PRKG1: variants seen among roughly 807,000 people sequenced by gnomAD.
PRKG1 encodes the protein protein kinase cGMP-dependent 1.
PRKG1 carries 35 observed loss-of-function variants against 88.1 expected under a neutral mutation model. The observed-to-expected ratio is 0.40, with a 90% CI of 0.30 to 0.53. PRKG1 has a LOEUF of 0.53. Among genes scored for constraint, PRKG1 ranks in the 20% least tolerant of loss-of-function variants. PRKG1 has a pLI of 0.59. For missense variants in PRKG1, 540 were observed against 839.8 expected, an observed-to-expected ratio of 0.64 and a Z score of 4.41; for synonymous variants, 303 against 292.5, an observed-to-expected ratio of 1.04 and a Z score of -0.37.
intron 4 of PRKG1, among the ~76,000 whole-genome samples, chr10:51,831,430 C>A (rs1481448801): frequency 6.6e-6 from 1 of 151,754 alleles, no homozygotes; most frequent in African/African-American, 2.4e-5. Flanking sequence ...TCTCCCTCTA[C>A]CAGCCAAGAA....
At chr10:52,231,445 G>C (rs1840520864) in intron 9 of PRKG1, 1 of 152,058 alleles carries the variant, frequency 6.6e-6, no homozygotes, top group African/African-American at 2.4e-5. Context: ...GAGAAAGAGA[G>C]AGAGAGAATA....
At chr10:51,294,088 T>C (rs1466449035) in intron 2 of PRKG1, among the ~76,000 whole-genome samples, 1 of 152,060 alleles carries the variant, frequency 6.6e-6, no homozygotes, top group African/African-American at 2.4e-5. Context: ...ACTTATTGAG[T>C]TGTATGAGTT....
At chr10:51,859,842 G>A (rs1840824221) in intron 4 of PRKG1, among the ~76,000 whole-genome samples, 1 of 152,132 alleles carries the variant, frequency 6.6e-6, no homozygotes, top group South Asian at 2.1e-4. Flanking sequence ...TTTTCATTGT[G>A]AGGTGTGGTA....
At chr10:51,909,072 A>G (rs1369638156) in intron 5 of PRKG1, 2 of 152,184 alleles carry the variant, frequency 1.3e-5, no homozygotes, top group South Asian at 2.1e-4. Context: ...AAGCTTTACC[A>G]TTGCAGTAAA....
intron 7 of PRKG1, among the ~76,000 whole-genome samples, chr10:52,104,043 C>A (rs34733197): frequency 0.16 from 23,398 of 144,598 alleles, 2,401 homozygotes; most frequent in South Asian, 0.29. Flanking sequence ...ATATATATAT[C>A]TCATAGTTTA....
intron 3 of PRKG1, among the ~76,000 whole-genome samples, chr10:51,798,857 A>C (rs1484823604): frequency 6.6e-6 from 1 of 152,090 alleles, no homozygotes; most frequent in African/African-American, 2.4e-5. Context: ...TTGCTAATAC[A>C]GTGCTGTCTG....
rs184038298 is a variant in PRKG1 at position 52,296,880 on chromosome 10, T to G, written c.*2980T>G. ...CAAAACAAATTTATTTTGGTTATATTCTTTACAAGTCATAATTTTTACCTA... is the reference window on the plus strand; with the variant it reads ...CAAAACAAATTTATTTTGGTTATATGCTTTACAAGTCATAATTTTTACCTA... On this transcript the variant is annotated 3_prime_UTR_variant, in exon 18 of 18. Transcript: ENST00000373980. The G allele has an allele frequency of 2.7e-3, 408 of 152,264 alleles. 4 individuals are homozygous for G. The highest frequency in any genetic ancestry group is 9.3e-3 in the African/African-American group (386 of 41,592). The allele number at this position is 152,264 out of a possible 1,614,324, so 9.4% of individuals were successfully genotyped here.
chr10:51,573,121 C>T (rs1450405052), intron 3 of PRKG1, among the ~76,000 whole-genome samples: 2 of 151,680 alleles, frequency 1.3e-5, no homozygotes, highest in Admixed American at 1.3e-4. Flanking sequence ...TAGAAATAGC[C>T]CTAATATTTT....
intron 3 of PRKG1, among the ~76,000 whole-genome samples, chr10:51,742,028 G>A (rs1837447970): frequency 6.6e-6 from 1 of 152,178 alleles, no homozygotes; most frequent in Admixed American, 6.5e-5. Context: ...TTTCGCTTCT[G>A]TCTTACACAT....
chr10:51,133,358 C>A (rs1845616199), intron 1 of PRKG1, among the ~76,000 whole-genome samples: 1 of 152,186 alleles, frequency 6.6e-6, no homozygotes, highest in South Asian at 2.1e-4. Flanking sequence ...ACTGCTCTTA[C>A]AATTTGATGA....
chr10:52,054,575 G>T lies in PRKG1; in HGVS notation c.840+14G>T, dbSNP rs146372571. 2.7e-4 allele frequency: 434 copies of T among 1,611,048 alleles called. 3 individuals are homozygous for T. The East Asian group carries it at 8.3e-3, about 31-fold the overall frequency. ...AGCAAAGGAACGGTAAGCTTTGGTG[G>T]CACAAGACAGTGATGCACTAGGGGA... On this transcript the variant is annotated intron_variant, in intron 6 of 17. Coordinates refer to ENST00000373980, the MANE Select transcript of PRKG1 (RefSeq NM_006258.4).
At chr10:51,920,853 T>C (rs1842449265) in intron 5 of PRKG1, among the ~76,000 whole-genome samples, 2 of 152,154 alleles carry the variant, frequency 1.3e-5, no homozygotes, top group African/African-American at 2.4e-5. Context: ...ACAGAAAAAC[T>C]GAACAGAAAG....
chr10:51,671,268 T>C (rs1444305028), intron 3 of PRKG1, among the ~76,000 whole-genome samples: 1 of 152,198 alleles, frequency 6.6e-6, no homozygotes, highest in Non-Finnish European at 1.5e-5. Flanking sequence ...GCAATATAAC[T>C]GCAGTTCCTT....
intron 1 of PRKG1, among the ~76,000 whole-genome samples, chr10:51,024,739 C>T (rs1443812607): frequency 6.6e-6 from 1 of 152,124 alleles, no homozygotes; most frequent in Non-Finnish European, 1.5e-5. Context: ...GCACTTCTTA[C>T]ATAGCCAGAG....
intron 1 of PRKG1, among the ~76,000 whole-genome samples, chr10:51,010,298 C>T (rs951606382): frequency 1.3e-5 from 2 of 152,242 alleles, no homozygotes; most frequent in Admixed American, 1.3e-4. Context: ...CTCAGATTTG[C>T]ACAGGGCAAG....
Position 51,947,779 on chromosome 10 carries a change from G to A in PRKG1, c.762+40209G>A, listed in dbSNP as rs1589446785. ...GACCAGCCACAGGGGGACTCCATGGGGACTGAATTCCTTCAGGTCATAGCA... is the reference window on the plus strand; with the variant it reads ...GACCAGCCACAGGGGGACTCCATGGAGACTGAATTCCTTCAGGTCATAGCA... On this transcript the variant is annotated intron_variant, in intron 5 of 17. Transcript: ENST00000373980. Among the ~76,000 whole-genome samples, 3 of 152,090 alleles carry A rather than the reference G, an allele frequency of 2.0e-5. No homozygotes were observed. In the South Asian group the frequency reaches 6.2e-4, roughly 31 times the overall value.
At chr10:51,326,787 C>T (rs960879685) in intron 2 of PRKG1, among the ~76,000 whole-genome samples, 2 of 152,202 alleles carry the variant, frequency 1.3e-5, no homozygotes, top group Non-Finnish European at 2.9e-5. Flanking sequence ...GTGCTGAATA[C>T]AGTAACTTAA....
intron 2 of PRKG1, among the ~76,000 whole-genome samples, chr10:51,240,438 T>C (rs1197740939): frequency 1.3e-5 from 2 of 152,208 alleles, no homozygotes; most frequent in African/African-American, 4.8e-5. Context: ...CTTCCTACAC[T>C]GTAGCCTTTT....
chr10:51,659,520 A>G (rs951688986), intron 3 of PRKG1, among the ~76,000 whole-genome samples: 8 of 152,094 alleles, frequency 5.3e-5, no homozygotes, highest in African/African-American at 1.9e-4. Flanking sequence ...TGATGTGATG[A>G]CTAAAAGGCT....
Sources: gnomAD v4.1 joint callset for allele counts (sites outside exome capture counted in the v4.1 genomes callset) on GRCh38, gnomAD v4.1.1 for gene constraint, MANE v1.5 for transcripts, NCBI Gene and HGNC (gene_info 2026-07-23, HGNC 2026-07-21) for gene names.